Variants in ECM2 observed in about 807,000 individuals in gnomAD.
The protein encoded by ECM2 is extracellular matrix protein 2, also known as extracellular matrix protein 2, female organ and adipocyte specific.
A neutral mutation model predicts 67.5 loss-of-function variants in ECM2; 57 were observed. The observed-to-expected ratio is 0.84, with a 90% CI of 0.68 to 1.05. ECM2 has a LOEUF of 1.05. Among genes scored for constraint, ECM2 ranks in the 50% least tolerant of loss-of-function variants. ECM2 has a pLI of 0.00. For synonymous variants in ECM2, 258 were observed against 294.5 expected (o/e 0.88, Z 1.27); for missense variants, 741 against 822.8 (o/e 0.90, Z 1.22).
At chr9:92,525,317 C>CAA (rs59745811) in intron 1 of ECM2, among the ~76,000 whole-genome samples, 7 of 118,534 alleles carry the variant, frequency 5.9e-5, no homozygotes, top group African/African-American at 1.2e-4. Flanking sequence ...GACTCTGTCT[C>CAA]AAAAAAAAAA....
intron 1 of ECM2, among the ~76,000 whole-genome samples, chr9:92,533,319 AAAAAAAAAAATATATATATATAT>A (rs1848943407): frequency 9.7e-6 from 1 of 103,512 alleles, no homozygotes; most frequent in African/African-American, 3.8e-5. Flanking sequence ...AAAAAAAAAA[AAAAAAAAAAATATATATATATAT>A]ATATATATAT....
intron 6 of ECM2, among the ~76,000 whole-genome samples, chr9:92,508,464 G>A (rs1847141127): frequency 6.6e-6 from 1 of 152,196 alleles, no homozygotes; most frequent in East Asian, 1.9e-4. Context: ...GTGAAAGCAC[G>A]TTCACAATCA....
At chr9:92,525,763 GC>G (rs1848357268) in intron 1 of ECM2, among the ~76,000 whole-genome samples, 1 of 151,786 alleles carries the variant, frequency 6.6e-6, no homozygotes, top group Non-Finnish European at 1.5e-5. Flanking sequence ...GGTGGTGCAC[GC>G]CTGTAATCCC....
Position 92,495,528 on chromosome 9 carries a change from A to G in ECM2, c.*787T>C, listed in dbSNP as rs1261341269. ...TCAAGAATAATTAATTTGTATTTTAAGCAAACTCTACTGCTTTTCAAAAAA... is the reference window on the plus strand; with the variant it reads ...TCAAGAATAATTAATTTGTATTTTAGGCAAACTCTACTGCTTTTCAAAAAA... On this transcript the variant is annotated 3_prime_UTR_variant, in exon 10 of 10. Transcript: ENST00000344604. The G allele has an allele frequency of 1.0e-6, 1 of 982,812 alleles. No homozygotes were observed. The highest frequency in any genetic ancestry group is 5.2e-4 in the Middle Eastern group (1 of 1,912). The allele number at this position is 982,812 out of a possible 1,614,324, so 60.9% of individuals were successfully genotyped here. A position where few individuals can be genotyped will look rare whatever the true frequency, so the allele number is the denominator to read the frequency against.
the ECM2 span, among the ~76,000 whole-genome samples, chr9:92,545,467 G>A: frequency 2.0e-5 from 3 of 152,214 alleles, no homozygotes; most frequent in South Asian, 4.1e-4. Flanking sequence ...TTTCTCGTCG[G>A]GCCTTAGCTG....
At chr9:92,553,534 A>G in the ECM2 span, among the ~76,000 whole-genome samples, 6 of 152,174 alleles carry the variant, frequency 3.9e-5, no homozygotes, top group East Asian at 7.7e-4. Context: ...CTACCCATCC[A>G]TGAGCATGGG....
chr9:92,545,640 C>T, the ECM2 span, among the ~76,000 whole-genome samples: 1 of 152,198 alleles, frequency 6.6e-6, no homozygotes, highest in African/African-American at 2.4e-5. Context: ...GGGCACAGGG[C>T]GCGGGACTGG....
intron 2 of ECM2, among the ~76,000 whole-genome samples, chr9:92,520,394 A>C (rs1434126850): frequency 2.6e-5 from 4 of 152,124 alleles, no homozygotes; most frequent in Admixed American, 2.6e-4. Flanking sequence ...GTTGTTAGGG[A>C]AATGCAAATC....
chr9:92,500,899 A>G lies in ECM2; in HGVS notation c.1759T>C (p.Tyr587His), dbSNP rs1202551234. The change falls in exon 9 of 10, where the codon TAC (tyrosine) becomes CAC (histidine). Residue 587 changes from tyrosine (Y) to histidine (H), a missense_variant. Coordinates refer to ENST00000344604, the MANE Select transcript of ECM2 (RefSeq NM_001393.4). The stretch of plus-strand genomic sequence containing the variant: ...TCAGCAAGTTTGTTAAATGACAGGT[A>G]CAAGTATTCCAGGCCTGGTTCCATG... ...GHMEPGLEYL[Y>H]LSFNKLADDG... 3.1e-6 allele frequency: 5 copies of G among 1,614,190 alleles called. No individual in the cohort carries two copies. Among genetic ancestry groups the G allele is most frequent in the East Asian group, 2.2e-5 (1 of 44,884 alleles).
chr9:92,522,580 A>G lies in ECM2; in HGVS notation c.287T>C (p.Leu96Ser), dbSNP rs201265258. 1.6e-4 allele frequency: 251 copies of G among 1,608,862 alleles called. 1 individual carries two copies. The South Asian group carries it at 2.6e-3, about 16-fold the overall frequency. ...FPGVESSYNV[L>S]PGKKGHCLVK... Reference sequence around the variant, plus strand: ...CTCTCATAGTGTTCTCTTACCTGGTAACACATTATAACTTGATTCTACTCC... The same window carrying G: ...CTCTCATAGTGTTCTCTTACCTGGTGACACATTATAACTTGATTCTACTCC... The change falls in exon 2 of 10, where the codon TTA becomes TCA. Residue 96 changes from leucine to serine, a missense_variant. Coordinates refer to ENST00000344604, the MANE Select transcript of ECM2 (RefSeq NM_001393.4).
chr9:92,512,551 A>C (rs1278930201), intron 4 of ECM2, among the ~76,000 whole-genome samples: 1 of 152,220 alleles, frequency 6.6e-6, no homozygotes, highest in Non-Finnish European at 1.5e-5. Flanking sequence ...ATGAATGCTC[A>C]TGCCAATCAC....
At chr9:92,496,870 T>G (rs1325274495) in intron 9 of ECM2, among the ~76,000 whole-genome samples, 1 of 151,988 alleles carries the variant, frequency 6.6e-6, no homozygotes, top group Non-Finnish European at 1.5e-5. Flanking sequence ...TGGAAAATGC[T>G]CAGTTTCATT....
At chr9:92,538,513 G>A (rs1849242400), upstream of ECM2, among the ~76,000 whole-genome samples, 1 of 152,150 alleles carries the variant, frequency 6.6e-6, no homozygotes, top group African/African-American at 2.4e-5. Flanking sequence ...CAAAAAAGAA[G>A]TAACTCTTAA....
intron 3 of ECM2, among the ~76,000 whole-genome samples, chr9:92,515,770 AGAGT>A (rs1193887117): frequency 2.6e-5 from 4 of 152,204 alleles, no homozygotes; most frequent in African/African-American, 9.7e-5. Context: ...TTATAGAGAG[AGAGT>A]TTTCCTCCTT....
At chr9:92,517,615 AT>A in intron 3 of ECM2, 71 bp downstream of exon 3, 1 of 1,593,282 alleles carries the variant, frequency 6.3e-7, no homozygotes, top group South Asian at 1.1e-5. Context: ...TTAATCTAAA[AT>A]TAGTAACAAA....
chr9:92,525,688 C>T (rs1056887665), intron 1 of ECM2, among the ~76,000 whole-genome samples: 1 of 151,926 alleles, frequency 6.6e-6, no homozygotes, highest in Admixed American at 6.6e-5. Flanking sequence ...GTCAGGAGTT[C>T]GAGACCAGCC....
intron 7 of ECM2, among the ~76,000 whole-genome samples, chr9:92,502,949 A>G (rs969723093): frequency 6.6e-6 from 1 of 151,654 alleles, no homozygotes; most frequent in Non-Finnish European, 1.5e-5. Flanking sequence ...CTGAGACTAC[A>G]GGTATGCGCC....
downstream of ECM2, among the ~76,000 whole-genome samples, chr9:92,494,775 C>T (rs568544905): frequency 1.3e-5 from 2 of 152,018 alleles, no homozygotes; most frequent in African/African-American, 2.4e-5. Flanking sequence ...GGAGTGGTGA[C>T]GCATGCCTAT....
chr9:92,552,800 A>C, the ECM2 span, among the ~76,000 whole-genome samples: 2 of 151,680 alleles, frequency 1.3e-5, no homozygotes, highest in Admixed American at 1.3e-4. Context: ...TTGTCTGTTT[A>C]CTCTGCTGAC....
Sources: allele counts gnomAD v4.1 joint callset (sites outside exome capture counted in the v4.1 genomes callset), GRCh38; gene constraint gnomAD v4.1.1; transcripts MANE v1.5; gene names NCBI Gene and HGNC (gene_info 2026-07-23, HGNC 2026-07-21).